The following HSBP1 variants were observed in gnomAD, a reference collection of about 807,000 sequenced individuals.
The protein encoded by HSBP1 is heat shock factor binding protein 1.
A neutral mutation model predicts 9.6 loss-of-function variants in HSBP1; 5 were observed. That is an observed-to-expected ratio of 0.52 (90% CI 0.27 to 1.09). The LOEUF (loss-of-function observed/expected upper bound fraction) is 1.09, where lower values mean the gene tolerates loss of function less well. Ranked by LOEUF, HSBP1 falls within the 50% of genes least tolerant of loss-of-function variation. The probability of loss-of-function intolerance (pLI) is 0.11; values close to 1 mark genes in which losing one functional copy is unlikely to be tolerated. For synonymous variants in HSBP1, 42 were observed against 33.3 expected, an observed-to-expected ratio of 1.26 and a Z score of -0.90; for missense variants, 121 against 96.3, an observed-to-expected ratio of 1.26 and a Z score of -1.07.
rs1405259603 is a variant in HSBP1, at chr16:83,816,033, T to G, written c.*4615T>G. The stretch of plus-strand genomic sequence containing the variant: ...CCCTTTTAACAATGGTGGGATGTAT[T>G]ATTTCACATGGCAAGAAGTCCCAAG... On this transcript the variant is annotated 3_prime_UTR_variant, in exon 4 of 4. Transcript: ENST00000433866. 1 of 152,144 alleles carries G rather than the reference T, an allele frequency of 6.6e-6. No homozygotes were observed. The highest frequency in any genetic ancestry group is 1.5e-5 in the Non-Finnish European group (1 of 68,032). The allele number at this position is 152,144 out of a possible 1,614,324, so 9.4% of individuals were successfully genotyped here. A position where few individuals can be genotyped will look rare whatever the true frequency, so the allele number is the denominator to read the frequency against.
In HSBP1 at chr16:83,814,048, A is replaced by T. The variant is rs745607466; in HGVS notation, c.*2630A>T. The T allele has an allele frequency of 6.6e-6, 1 of 152,194 alleles. No homozygotes were observed. Among genetic ancestry groups the T allele is most frequent in the Admixed American group, 6.5e-5 (1 of 15,282 alleles). The allele number at this position is 152,194 out of a possible 1,614,324, so 9.4% of individuals were successfully genotyped here. ...GGGAACATAGAGTCCTCCAAACAAA[A>T]GTGAACTTTTTCAACATGCTGTTTG... On this transcript the variant is annotated 3_prime_UTR_variant, in exon 4 of 4. Coordinates refer to ENST00000433866, the MANE Select transcript of HSBP1 (RefSeq NM_001537.4).
In HSBP1 at chr16:83,812,296, G is replaced by A. The variant is rs947868627; in HGVS notation, c.*878G>A. 1.3e-5 allele frequency: 2 copies of A among 152,482 alleles called. No individual in the cohort carries two copies. Among genetic ancestry groups the A allele is most frequent in the Non-Finnish European group, 2.9e-5 (2 of 68,038 alleles). 9.4% of individuals were successfully genotyped at this position (152,482 alleles called of 1,614,324 possible). On this transcript the variant is annotated 3_prime_UTR_variant, in exon 4 of 4. Transcript: ENST00000433866. ...TAAGTCCATGCCAGTTGCTTGGCTA[G>A]AATATGATCAACGACTTGTAGTAGA... is the stretch of plus-strand genomic sequence containing the variant.
At chr16:83,811,020 A>G (rs1239230165) in intron 3 of HSBP1, among the ~76,000 whole-genome samples, 2 of 152,200 alleles carry the variant, frequency 1.3e-5, no homozygotes, top group Non-Finnish European at 2.9e-5. Flanking sequence ...TGTGTGAGTA[A>G]ATCACATAAC....
chr16:83,814,561 G>C lies in HSBP1; in HGVS notation c.*3143G>C, dbSNP rs764350231. 2.6e-5 allele frequency: 4 copies of C among 152,142 alleles called. No homozygotes were observed. The highest frequency in any genetic ancestry group is 1.3e-4 in the Admixed American group (2 of 15,262). 9.4% of individuals were successfully genotyped at this position (152,142 alleles called of 1,614,324 possible). A position where few individuals can be genotyped will look rare whatever the true frequency, so the allele number is the denominator to read the frequency against. Reference sequence around the variant, plus strand: ...AACACAGCTGATCGTCTGCCTCTTCGTGTGAGCTGAGCTCCGAATCTCAGC... The same window carrying C: ...AACACAGCTGATCGTCTGCCTCTTCCTGTGAGCTGAGCTCCGAATCTCAGC... On this transcript the variant is annotated 3_prime_UTR_variant, in exon 4 of 4. Coordinates refer to ENST00000433866, the MANE Select transcript of HSBP1 (RefSeq NM_001537.4).
chr16:83,808,560 G>A (rs1030614674), intron 1 of HSBP1, 120 bp from the exon 2 acceptor site: 13 of 702,678 alleles, frequency 1.9e-5, no homozygotes, highest in Non-Finnish European at 3.2e-5. Context: ...GCTGAAGGCC[G>A]CACAGCTGTC....
chr16:83,814,689 G>C lies in HSBP1; in HGVS notation c.*3271G>C, dbSNP rs999866803. On this transcript the variant is annotated 3_prime_UTR_variant, in exon 4 of 4. Transcript: ENST00000433866. ...TCAATTAAACATGACCTAAAATTAA[G>C]TAATAAACACACTGGATGTGAGTTT... The C allele has an allele frequency of 2.6e-5, 4 of 152,244 alleles. No individual in the cohort carries two copies. Among genetic ancestry groups the C allele is most frequent in the African/African-American group, 4.8e-5 (2 of 41,452 alleles). 9.4% of individuals were successfully genotyped at this position (152,244 alleles called of 1,614,324 possible).
chr16:83,809,566 T>A (rs547994767), intron 3 of HSBP1, 141 bp downstream of exon 3: 3 of 552,718 alleles, frequency 5.4e-6, no homozygotes, highest in African/African-American at 1.9e-5. Flanking sequence ...CCCTCCTGGG[T>A]TCAAACGATT....
Position 83,819,138 on chromosome 16 carries a change from T to C in HSBP1, c.*7720T>C, listed in dbSNP as rs1016925861. ...GCCCAACACCCTTTAGTCTAATGGC[T>C]TTAGGGTCAAATATGTCTAAACCAA... On this transcript the variant is annotated 3_prime_UTR_variant, in exon 4 of 4. Transcript: ENST00000433866. 1.3e-5 allele frequency: 2 copies of C among 151,806 alleles called. No homozygotes were observed. The highest frequency in any genetic ancestry group is 4.8e-5 in the African/African-American group (2 of 41,330). The allele number at this position is 151,806 out of a possible 1,614,324, so 9.4% of individuals were successfully genotyped here. A position where few individuals can be genotyped will look rare whatever the true frequency, so the allele number is the denominator to read the frequency against.
chr16:83,817,704 C>A lies in HSBP1; in HGVS notation c.*6286C>A, dbSNP rs557945387. On this transcript the variant is annotated 3_prime_UTR_variant, in exon 4 of 4. Coordinates refer to ENST00000433866, the MANE Select transcript of HSBP1 (RefSeq NM_001537.4). ...TTAAAGGTCTTTTATGCAGAATATG[C>A]AGTTAATTTTGATGGGCTATGGATA... 2 of 152,246 alleles carry A rather than the reference C, an allele frequency of 1.3e-5. No individual in the cohort carries two copies. Among genetic ancestry groups the A allele is most frequent in the East Asian group, 3.9e-4 (2 of 5,182 alleles). 9.4% of individuals were successfully genotyped at this position (152,246 alleles called of 1,614,324 possible). A position where few individuals can be genotyped will look rare whatever the true frequency, so the allele number is the denominator to read the frequency against.
chr16:83,809,228 T>G (rs1904538739), intron 2 of HSBP1, 77 bp from the exon 3 acceptor site: 1 of 908,294 alleles, frequency 1.1e-6, no homozygotes, highest in Non-Finnish European at 1.7e-6. Flanking sequence ...GTCGTTGTGT[T>G]TAAGGCTGTA....
In HSBP1 at chr16:83,818,114, G is replaced by T. The variant is rs1308074783; in HGVS notation, c.*6696G>T. ...TAGAGGTTCATGGTTACCGTGGGTC[G>T]GCACTGGGTCTGTGAGCCCTCATCC... On this transcript the variant is annotated 3_prime_UTR_variant, in exon 4 of 4. Coordinates refer to ENST00000433866, the MANE Select transcript of HSBP1 (RefSeq NM_001537.4). 1 of 152,154 alleles carries T rather than the reference G, an allele frequency of 6.6e-6. No homozygotes were observed. Among genetic ancestry groups the T allele is most frequent in the East Asian group, 1.9e-4 (1 of 5,194 alleles). The allele number at this position is 152,154 out of a possible 1,614,324, so 9.4% of individuals were successfully genotyped here.
rs1904702503 is a variant in HSBP1, at chr16:83,815,603, TA to T, written c.*4186del. On this transcript the variant is annotated 3_prime_UTR_variant, in exon 4 of 4. Transcript: ENST00000433866. ...GCTGGAAGCTCCTCAGACCGCTGCC[TA>T]GGGTTCGAGTGATCCTGAAAGCTGT... The T allele has an allele frequency of 6.6e-6, 1 of 151,836 alleles. No homozygotes were observed. Among genetic ancestry groups the T allele is most frequent in the Non-Finnish European group, 1.5e-5 (1 of 68,010 alleles). The allele number at this position is 151,836 out of a possible 1,614,324, so 9.4% of individuals were successfully genotyped here. A position where few individuals can be genotyped will look rare whatever the true frequency, so the allele number is the denominator to read the frequency against.
chr16:83,812,085 A>C lies in HSBP1; in HGVS notation c.*667A>C, dbSNP rs1904613299. The C allele has an allele frequency of 1.3e-5, 2 of 152,640 alleles. No individual in the cohort carries two copies. The highest frequency in any genetic ancestry group is 4.8e-5 in the African/African-American group (2 of 41,460). 9.5% of individuals were successfully genotyped at this position (152,640 alleles called of 1,614,324 possible). A position where few individuals can be genotyped will look rare whatever the true frequency, so the allele number is the denominator to read the frequency against. Reference sequence around the variant, plus strand: ...ACTTTTACAGTACAGAAAATAACAGAATAGCCTTCTGTAATGAGGCGTTTG... The same window carrying C: ...ACTTTTACAGTACAGAAAATAACAGCATAGCCTTCTGTAATGAGGCGTTTG... On this transcript the variant is annotated 3_prime_UTR_variant, in exon 4 of 4. Coordinates refer to ENST00000433866, the MANE Select transcript of HSBP1 (RefSeq NM_001537.4).
chr16:83,815,122 C>G lies in HSBP1; in HGVS notation c.*3704C>G, dbSNP rs553205169. On this transcript the variant is annotated 3_prime_UTR_variant, in exon 4 of 4. Transcript: ENST00000433866. Reference sequence around the variant, plus strand: ...ATTAATTTTAAGTGTCTGATTTTAGCTGCAGCCACTTGAGAACTTTTCAAT... The same window carrying G: ...ATTAATTTTAAGTGTCTGATTTTAGGTGCAGCCACTTGAGAACTTTTCAAT... The G allele has an allele frequency of 6.6e-6, 1 of 152,098 alleles. No individual in the cohort carries two copies. The highest frequency in any genetic ancestry group is 1.5e-5 in the Non-Finnish European group (1 of 68,038). 9.4% of individuals were successfully genotyped at this position (152,098 alleles called of 1,614,324 possible). A position where few individuals can be genotyped will look rare whatever the true frequency, so the allele number is the denominator to read the frequency against.
intron 3 of HSBP1, 32 bp downstream of exon 3, chr16:83,809,457 C>CTTTTATTTTTT: frequency 1.5e-6 from 1 of 645,778 alleles, no homozygotes; most frequent in Non-Finnish European, 2.4e-6. Context: ...TTTTTCTTTT[C>CTTTTATTTTTT]TTTTCTTTTT....
chr16:83,808,665 T>G lies in HSBP1; in HGVS notation c.46-15T>G. ...ATCGATGTGGACCGTGTTTGTTTGTTTCGGTTTTTCTTAGGTGCAGACACT... is the reference window on the plus strand; with the variant it reads ...ATCGATGTGGACCGTGTTTGTTTGTGTCGGTTTTTCTTAGGTGCAGACACT... On this transcript the variant is annotated splice_polypyrimidine_tract_variant and intron_variant, in intron 1 of 3. Coordinates refer to ENST00000433866, the MANE Select transcript of HSBP1 (RefSeq NM_001537.4). 1.9e-6 allele frequency: 3 copies of G among 1,606,170 alleles called. No individual in the cohort carries two copies. The highest frequency in any genetic ancestry group is 2.6e-6 in the Non-Finnish European group (3 of 1,174,184).
Position 83,818,532 on chromosome 16 carries a change from GCTGA to G in HSBP1, c.*7117_*7120del, listed in dbSNP as rs1904770400. The G allele has an allele frequency of 6.6e-6, 1 of 152,152 alleles. No individual in the cohort carries two copies. Among genetic ancestry groups the G allele is most frequent in the Non-Finnish European group, 1.5e-5 (1 of 68,030 alleles). The allele number at this position is 152,152 out of a possible 1,614,324, so 9.4% of individuals were successfully genotyped here. On this transcript the variant is annotated 3_prime_UTR_variant, in exon 4 of 4. Coordinates refer to ENST00000433866, the MANE Select transcript of HSBP1 (RefSeq NM_001537.4). ...CTTGAAGAATCCCTTTTATCCTAAC[GCTGA>G]CTAATAAACTGGTGAGAACTGTTTG...
Position 83,808,111 on chromosome 16 carries a change from T to G in HSBP1, c.35T>G (p.Leu12Arg). Residue 12 changes from leucine (L) to arginine (R), a missense_variant, in exon 1 of 4, where the codon CTC becomes CGC. Transcript: ENST00000433866. ...AETDPKTVQDLTSVVQTLLQQ... is the reference protein window; with the variant it reads ...AETDPKTVQDRTSVVQTLLQQ... ...ACTGACCCCAAGACCGTGCAGGACC[T>G]CACCTCGGTGGTAAGGGACGGCTGT... The G allele has an allele frequency of 6.5e-7, 1 of 1,546,414 alleles. No homozygotes were observed. The highest frequency in any genetic ancestry group is 2.5e-5 in the East Asian group (1 of 40,036).
In HSBP1 at chr16:83,817,576, G is replaced by T. The variant is rs749228559; in HGVS notation, c.*6158G>T. The T allele has an allele frequency of 6.6e-6, 1 of 152,156 alleles. No homozygotes were observed. The highest frequency in any genetic ancestry group is 2.1e-4 in the South Asian group (1 of 4,830). 9.4% of individuals were successfully genotyped at this position (152,156 alleles called of 1,614,324 possible). On this transcript the variant is annotated 3_prime_UTR_variant, in exon 4 of 4. Transcript: ENST00000433866. ...TAATCAGCCTTCAAAACCTCCATTT[G>T]TAAACCATTGCTGTAGTTTTATTAC... is the stretch of plus-strand genomic sequence containing the variant.
Sources: allele counts gnomAD v4.1 joint callset (sites outside exome capture counted in the v4.1 genomes callset), GRCh38; gene constraint gnomAD v4.1.1; transcripts MANE v1.5; gene names NCBI Gene and HGNC (gene_info 2026-07-23, HGNC 2026-07-21).